The following TENM4 variants were observed in gnomAD, a reference collection of about 807,000 sequenced individuals.
TENM4 encodes teneurin-4.
Under a neutral mutation model 243.3 loss-of-function variants are expected in TENM4, and 82 were observed. That is an observed-to-expected ratio of 0.34 (90% CI 0.28 to 0.40). The LOEUF is 0.40. Ranked by LOEUF, TENM4 falls within the 10% of genes least tolerant of loss-of-function variation. TENM4 has a pLI of 1.00. For synonymous variants in TENM4, 1,412 were observed against 1,456.3 expected, an observed-to-expected ratio of 0.97 and a Z score of 0.69; for missense variants, 3,138 against 3,673.3, an observed-to-expected ratio of 0.85 and a Z score of 3.77.
At chr11:79,232,904 G>C (rs951585428) in intron 2 of TENM4, among the ~76,000 whole-genome samples, 7 of 152,212 alleles carry the variant, frequency 4.6e-5, no homozygotes, top group Middle Eastern at 3.2e-3. Flanking sequence ...GCACTCCCTT[G>C]GTTAAAACTG....
chr11:78,711,615 C>T (rs1416270551), intron 26 of TENM4, among the ~76,000 whole-genome samples: 2 of 152,134 alleles, frequency 1.3e-5, no homozygotes, highest in Non-Finnish European at 2.9e-5. Flanking sequence ...GAGGTAGACA[C>T]GGATGGCATT....
intron 9 of TENM4, among the ~76,000 whole-genome samples, chr11:78,867,424 C>T (rs1484607109): frequency 7.2e-5 from 11 of 152,106 alleles, no homozygotes. Context: ...ATAAGTCATG[C>T]TAGTGACCCT....
intron 21 of TENM4, among the ~76,000 whole-genome samples, chr11:78,731,607 C>T (rs1468037401): frequency 6.6e-6 from 1 of 152,202 alleles, no homozygotes; most frequent in Non-Finnish European, 1.5e-5. Context: ...TTCACTGCTG[C>T]CATTAGAAAC....
intron 4 of TENM4, among the ~76,000 whole-genome samples, chr11:79,124,348 G>A (rs867762141): frequency 6.6e-6 from 1 of 152,194 alleles, no homozygotes; most frequent in African/African-American, 2.4e-5. Context: ...AATATGGATT[G>A]GCAAAATCTA....
At chr11:78,750,338 A>T (rs1304013471) in intron 19 of TENM4, among the ~76,000 whole-genome samples, 1 of 152,244 alleles carries the variant, frequency 6.6e-6, no homozygotes, top group Non-Finnish European at 1.5e-5. Flanking sequence ...GACCTGCTGA[A>T]TTGATTTCAT....
At chr11:78,904,609 G>A (rs1856022688) in intron 6 of TENM4, among the ~76,000 whole-genome samples, 3 of 152,180 alleles carry the variant, frequency 2.0e-5, no homozygotes, top group Admixed American at 2.0e-4. Flanking sequence ...CCTTCTACAA[G>A]TGTAAATTCA....
At chr11:78,833,897 AT>A (rs1285908922) in intron 12 of TENM4, among the ~76,000 whole-genome samples, 2 of 152,098 alleles carry the variant, frequency 1.3e-5, no homozygotes, top group African/African-American at 4.8e-5. Flanking sequence ...TTCTCTAGTG[AT>A]GTCTATTGGC....
At chr11:79,404,218 T>C (rs1259966897) in intron 1 of TENM4, among the ~76,000 whole-genome samples, 1 of 152,224 alleles carries the variant, frequency 6.6e-6, no homozygotes, top group East Asian at 1.9e-4. Context: ...TTTAAATGAA[T>C]TCACACAGAC....
At chr11:79,193,027 C>G (rs775219542) in intron 3 of TENM4, 8 of 152,468 alleles carry the variant, frequency 5.2e-5, no homozygotes, top group Non-Finnish European at 1.0e-4. Context: ...TCCAGCCTCC[C>G]AGCGCCCAGG....
At chr11:79,343,539 A>T (rs1590894470) in intron 1 of TENM4, among the ~76,000 whole-genome samples, 1 of 152,206 alleles carries the variant, frequency 6.6e-6, no homozygotes, top group African/African-American at 2.4e-5. Context: ...TATATAAAGC[A>T]GATAGTAGAG....
chr11:79,100,263 C>A (rs574670833), intron 4 of TENM4, among the ~76,000 whole-genome samples: 1 of 152,236 alleles, frequency 6.6e-6, no homozygotes, highest in South Asian at 2.1e-4. Context: ...CTTAGGTCCC[C>A]GCCCCCTCCT....
chr11:79,308,622 G>A (rs556108137), intron 1 of TENM4, among the ~76,000 whole-genome samples: 29 of 152,286 alleles, frequency 1.9e-4, no homozygotes, highest in African/African-American at 6.7e-4. Flanking sequence ...CTAATTGACA[G>A]CAGTGACCTC....
chr11:79,237,311 G>T (rs1864495644), intron 2 of TENM4, among the ~76,000 whole-genome samples: 1 of 152,124 alleles, frequency 6.6e-6, no homozygotes, highest in African/African-American at 2.4e-5. Flanking sequence ...ACCCACCACT[G>T]CCCTGATGCC....
chr11:79,015,832 G>A (rs1345472276), intron 6 of TENM4, among the ~76,000 whole-genome samples: 3 of 152,164 alleles, frequency 2.0e-5, no homozygotes, highest in Non-Finnish European at 4.4e-5. Flanking sequence ...TGCTCTGTCA[G>A]GTATAAATAA....
At chr11:78,805,920 A>G (rs147990071) in intron 14 of TENM4, among the ~76,000 whole-genome samples, 1 of 152,322 alleles carries the variant, frequency 6.6e-6, no homozygotes, top group African/African-American at 2.4e-5. Flanking sequence ...CATTTAAATG[A>G]TAATTTATTT....
intron 15 of TENM4, among the ~76,000 whole-genome samples, chr11:78,800,488 T>G (rs1216489136): frequency 1.3e-5 from 2 of 152,024 alleles, no homozygotes; most frequent in Non-Finnish European, 2.9e-5. Context: ...AAGGGGTTTA[T>G]GAGGAGGTGG....
chr11:79,233,787 G>A lies in TENM4; in HGVS notation c.-264-17878C>T, dbSNP rs576255300. 2.0e-5 allele frequency among the ~76,000 whole-genome samples: 3 copies of A among 152,298 alleles called. No homozygotes were observed. The East Asian group carries it at 5.8e-4, about 29-fold the overall frequency. The stretch of plus-strand genomic sequence containing the variant: ...TCAGTGGGCAAACCTTGGTTAAGAT[G>A]GCTCAGAAATAGAGTTTACATGATT... On this transcript the variant is annotated intron_variant, in intron 2 of 33. Coordinates refer to ENST00000278550, the MANE Select transcript of TENM4 (RefSeq NM_001098816.3).
intron 1 of TENM4, among the ~76,000 whole-genome samples, chr11:79,393,169 A>G (rs1288248592): frequency 6.6e-6 from 1 of 152,116 alleles, no homozygotes; most frequent in Admixed American, 6.5e-5. Context: ...TGCTTACTGT[A>G]TGCCAGGTAG....
intron 3 of TENM4, among the ~76,000 whole-genome samples, chr11:79,189,528 A>G (rs1863438727): frequency 6.6e-6 from 1 of 152,212 alleles, no homozygotes; most frequent in Admixed American, 6.5e-5. Flanking sequence ...AATGAATCAA[A>G]CATACCTTTT....
Sources: allele counts gnomAD v4.1 joint callset (sites outside exome capture counted in the v4.1 genomes callset), GRCh38; gene constraint gnomAD v4.1.1; transcripts MANE v1.5; gene names NCBI Gene and HGNC (gene_info 2026-07-23, HGNC 2026-07-21).